Variants in FBXL17 observed in about 807,000 individuals in gnomAD.
The protein encoded by FBXL17 is F-box and leucine rich repeat protein 17.
FBXL17 carries 22 observed loss-of-function variants against 66.2 expected under a neutral mutation model. That is an observed-to-expected ratio of 0.33 (90% CI 0.24 to 0.47). The LOEUF is 0.47. Ranked by LOEUF, FBXL17 falls within the 20% of genes least tolerant of loss-of-function variation. FBXL17 has a pLI of 1.00. For synonymous variants in FBXL17, 474 were observed against 400.5 expected (o/e 1.18, Z -2.19); for missense variants, 878 against 948.2 (o/e 0.93, Z 0.97).
At position 108,321,962 on chromosome 5, in the gene FBXL17, CATA is replaced by C. The variant is rs556095862; in HGVS notation, c.1506+26434_1506+26436del. On this transcript the variant is annotated intron_variant, in intron 4 of 8. Coordinates refer to ENST00000542267, the MANE Select transcript of FBXL17 (RefSeq NM_001163315.3). ...TAAACATACCATTCCCAAACAGATTCATAATAAGAGAAACGCAAATTAAAACCA... is the reference window on the plus strand; with the variant it reads ...TAAACATACCATTCCCAAACAGATTCATAAGAGAAACGCAAATTAAAACCA... 1.3e-4 allele frequency among the ~76,000 whole-genome samples: 20 copies of C among 151,948 alleles called. No individual in the cohort carries two copies. The East Asian group carries it at 3.7e-3, about 28-fold the overall frequency.
chr5:108,273,547 C>A lies in FBXL17; in HGVS notation c.1507-49319G>T, dbSNP rs531093405. Among the ~76,000 whole-genome samples, 29 of 151,728 alleles carry A rather than the reference C, an allele frequency of 1.9e-4. No individual in the cohort carries two copies. The East Asian group carries it at 5.4e-3, about 28-fold the overall frequency. On this transcript the variant is annotated intron_variant, in intron 4 of 8. Transcript: ENST00000542267. ...TTACTATGCAGCTACCATAAAAATT[C>A]TTTTTATCAAAATTTGTACAATATT...
chr5:108,350,853 C>T (rs143674627), intron 3 of FBXL17, among the ~76,000 whole-genome samples: 452 of 152,232 alleles, frequency 3.0e-3, no homozygotes, highest in Non-Finnish European at 3.4e-3. Flanking sequence ...CTATAAAACA[C>T]GAGAATACAC....
intron 4 of FBXL17, chr5:108,297,615 T>C (rs528674927): frequency 6.2e-6 from 1 of 160,720 alleles, no homozygotes; most frequent in Non-Finnish European, 1.3e-5. Context: ...ACGAGAATTT[T>C]AAGAATCATA....
chr5:108,324,640 T>A (rs950717173), intron 4 of FBXL17, among the ~76,000 whole-genome samples: 1 of 152,112 alleles, frequency 6.6e-6, no homozygotes, highest in Non-Finnish European at 1.5e-5. Flanking sequence ...TGTATACCTA[T>A]GTTCATAGCG....
chr5:108,051,970 G>A lies in FBXL17; in HGVS notation c.1746-30969C>T, dbSNP rs369194829. 5.9e-5 allele frequency among the ~76,000 whole-genome samples: 9 copies of A among 151,912 alleles called. No individual in the cohort carries two copies. The East Asian group carries it at 9.7e-4, about 16-fold the overall frequency. ...CTAAAAAAATACAAAAAAACTAGCCGGGTCTGGTGGCGGGCTCCTGTAGTC... is the reference window on the plus strand; with the variant it reads ...CTAAAAAAATACAAAAAAACTAGCCAGGTCTGGTGGCGGGCTCCTGTAGTC... On this transcript the variant is annotated intron_variant, in intron 6 of 8. Coordinates refer to ENST00000542267, the MANE Select transcript of FBXL17 (RefSeq NM_001163315.3).
chr5:108,364,552 T>A (rs1056540814), intron 3 of FBXL17, among the ~76,000 whole-genome samples, 186 bp downstream of exon 3: 1 of 152,034 alleles, frequency 6.6e-6, no homozygotes, highest in African/African-American at 2.4e-5. Context: ...AACAAAGCAG[T>A]TAATTTACTG....
intron 6 of FBXL17, among the ~76,000 whole-genome samples, chr5:108,129,667 T>C (rs1750853770): frequency 6.6e-6 from 1 of 152,040 alleles, no homozygotes; most frequent in African/African-American, 2.4e-5. Flanking sequence ...TCATGGTAGT[T>C]ACATAACTCC....
intron 5 of FBXL17, among the ~76,000 whole-genome samples, chr5:108,219,830 T>C (rs1754773576): frequency 6.6e-6 from 1 of 152,078 alleles, no homozygotes; most frequent in Non-Finnish European, 1.5e-5. Context: ...TTATCAATTT[T>C]ATCTATCTTA....
chr5:108,287,415 G>A (rs750938827), intron 4 of FBXL17, among the ~76,000 whole-genome samples: 1 of 151,364 alleles, frequency 6.6e-6, no homozygotes, highest in African/African-American at 2.4e-5. Flanking sequence ...TAAACAAATC[G>A]ACAAGCAAAA....
chr5:108,035,393 T>G (rs1354851964), intron 6 of FBXL17, among the ~76,000 whole-genome samples: 3 of 151,648 alleles, frequency 2.0e-5, no homozygotes, highest in Non-Finnish European at 4.4e-5. Flanking sequence ...TGAGATGGAG[T>G]GTCGCTTTTG....
chr5:107,892,354 G>C (rs566946638), intron 7 of FBXL17, among the ~76,000 whole-genome samples: 1 of 152,126 alleles, frequency 6.6e-6, no homozygotes, highest in Admixed American at 6.6e-5. Flanking sequence ...ATATTTATTG[G>C]GTAGCTACAA....
chr5:108,001,530 G>T lies in FBXL17; in HGVS notation c.1822+19395C>A, dbSNP rs6877104. On this transcript the variant is annotated intron_variant, in intron 7 of 8. Coordinates refer to ENST00000542267, the MANE Select transcript of FBXL17 (RefSeq NM_001163315.3). Reference sequence around the variant, plus strand: ...TTTTTTTGTTTTTTGAGACAGAGTCGCACTCCATCGCCCAGGCTGGAGTGC... The same window carrying T: ...TTTTTTTGTTTTTTGAGACAGAGTCTCACTCCATCGCCCAGGCTGGAGTGC... 5.3e-5 allele frequency among the ~76,000 whole-genome samples: 8 copies of T among 151,332 alleles called. No homozygotes were observed. In the East Asian group the frequency reaches 1.5e-3, roughly 29 times the overall value.
At chr5:108,115,581 A>G (rs1750217208) in intron 6 of FBXL17, among the ~76,000 whole-genome samples, 1 of 152,022 alleles carries the variant, frequency 6.6e-6, no homozygotes, top group Non-Finnish European at 1.5e-5. Context: ...CTGCTGGGGG[A>G]AAGGAGAAAT....
intron 4 of FBXL17, chr5:108,297,680 C>T (rs1758404764): frequency 3.9e-6 from 1 of 253,274 alleles, no homozygotes; most frequent in East Asian, 1.8e-4. Flanking sequence ...GTTTCTGAAA[C>T]ATTGCTTTCA....
At chr5:107,878,937 G>C in intron 8 of FBXL17, 3 of 985,450 alleles carry the variant, frequency 3.0e-6, no homozygotes, top group Non-Finnish European at 3.6e-6. Context: ...GTGGCTCTCT[G>C]GTTAGAGAAA....
intron 6 of FBXL17, among the ~76,000 whole-genome samples, chr5:108,087,337 T>TGCAGCCAACTACAGGGTGGGGCA (rs1749011628): frequency 6.6e-6 from 1 of 152,154 alleles, no homozygotes. Context: ...AGTAAGGACT[T>TGCAGCCAACTACAGGGTGGGGCA]GCAGCCAACT....
At chr5:108,048,749 G>A (rs10060325) in intron 6 of FBXL17, among the ~76,000 whole-genome samples, 70,413 of 151,966 alleles carry the variant, frequency 0.46, 18,195 homozygotes, top group Admixed American at 0.59. Context: ...ATGCAGACAA[G>A]ATTAGAGAAA....
chr5:108,344,932 C>T (rs1341137101), intron 4 of FBXL17, among the ~76,000 whole-genome samples: 1 of 152,146 alleles, frequency 6.6e-6, no homozygotes, highest in Non-Finnish European at 1.5e-5. Flanking sequence ...TGTGTATAGT[C>T]GACACAAGAG....
At chr5:108,240,132 T>C (rs1024274028) in intron 4 of FBXL17, among the ~76,000 whole-genome samples, 3 of 152,090 alleles carry the variant, frequency 2.0e-5, no homozygotes, top group African/African-American at 4.8e-5. Flanking sequence ...AGAGCATTCC[T>C]AGCTGTTGTG....
Sources: gnomAD v4.1 joint callset for allele counts (sites outside exome capture counted in the v4.1 genomes callset) on GRCh38, gnomAD v4.1.1 for gene constraint, MANE v1.5 for transcripts, NCBI Gene and HGNC (gene_info 2026-07-23, HGNC 2026-07-21) for gene names.